The following PRKG1 variants were observed in gnomAD, a reference collection of about 807,000 sequenced individuals.
PRKG1 encodes cGMP-dependent protein kinase 1.
In PRKG1, 35 loss-of-function variants were observed where a neutral mutation model predicts 88.1. The observed-to-expected ratio is 0.40, with a 90% CI of 0.30 to 0.53. The LOEUF (loss-of-function observed/expected upper bound fraction) is 0.53. PRKG1 is among the 20% of genes least tolerant of loss of function. The probability of loss-of-function intolerance (pLI) is 0.59; values close to 1 mark genes in which losing one functional copy is unlikely to be tolerated. For missense variants in PRKG1, 540 were observed against 839.8 expected (o/e 0.64, Z 4.41); for synonymous variants, 303 against 292.5 (o/e 1.04, Z -0.37).
intron 3 of PRKG1, among the ~76,000 whole-genome samples, chr10:51,525,389 T>C (rs190961421): frequency 8.5e-5 from 13 of 152,216 alleles, no homozygotes; most frequent in African/African-American, 3.1e-4. Flanking sequence ...CAAAATAATA[T>C]GGCGTGCATG....
intron 1 of PRKG1, among the ~76,000 whole-genome samples, chr10:51,050,625 G>A (rs920461083): frequency 2.0e-5 from 3 of 152,082 alleles, no homozygotes; most frequent in Admixed American, 6.6e-5. Flanking sequence ...AAACATGAAC[G>A]TGGTGACATC....
intron 2 of PRKG1, among the ~76,000 whole-genome samples, chr10:51,464,239 G>C (rs1839823793): frequency 6.6e-6 from 1 of 151,840 alleles, no homozygotes; most frequent in South Asian, 2.1e-4. Flanking sequence ...CGTGAGCCAA[G>C]ATGACACCAC....
intron 2 of PRKG1, among the ~76,000 whole-genome samples, chr10:51,448,030 A>T (rs915218340): frequency 1.3e-5 from 2 of 151,978 alleles, no homozygotes. Flanking sequence ...AAAAGCATAG[A>T]ATTAGCCTGG....
chr10:51,821,853 G>A (rs1418460810), intron 4 of PRKG1, among the ~76,000 whole-genome samples: 2 of 152,014 alleles, frequency 1.3e-5, no homozygotes, highest in African/African-American at 4.8e-5. Flanking sequence ...CACTGTTGAT[G>A]GGAATGTAAA....
chr10:52,193,831 G>C (rs1839437539), intron 9 of PRKG1, among the ~76,000 whole-genome samples: 1 of 152,094 alleles, frequency 6.6e-6, no homozygotes, highest in Admixed American at 6.6e-5. Context: ...GTTAAAATTG[G>C]TTGCTTTTTT....
At chr10:51,504,826 C>T (rs968793318) in intron 3 of PRKG1, among the ~76,000 whole-genome samples, 17 of 152,066 alleles carry the variant, frequency 1.1e-4, no homozygotes, top group African/African-American at 4.1e-4. Flanking sequence ...GATTTTGTAT[C>T]CTGAGACTTT....
intron 2 of PRKG1, among the ~76,000 whole-genome samples, chr10:51,389,226 C>G (rs897853112): frequency 3.3e-5 from 5 of 152,122 alleles, no homozygotes; most frequent in African/African-American, 9.7e-5. Context: ...ATTTTCATAA[C>G]TTTTACAGCT....
intron 5 of PRKG1, among the ~76,000 whole-genome samples, chr10:52,009,606 G>T (rs868855080): frequency 4.6e-5 from 7 of 152,026 alleles, no homozygotes; most frequent in African/African-American, 1.4e-4. Context: ...CCCAAAGGAA[G>T]TGTACAGATT....
intron 9 of PRKG1, among the ~76,000 whole-genome samples, chr10:52,215,080 A>G (rs1321190150): frequency 6.6e-6 from 1 of 150,576 alleles, no homozygotes. Flanking sequence ...CATTTTGGAG[A>G]GATGTATTAT....
intron 3 of PRKG1, among the ~76,000 whole-genome samples, chr10:51,559,968 T>C (rs1028054211): frequency 2.6e-5 from 4 of 152,142 alleles, no homozygotes; most frequent in Non-Finnish European, 5.9e-5. Flanking sequence ...AAAATGTTAA[T>C]TGAACTATGT....
intron 3 of PRKG1, among the ~76,000 whole-genome samples, chr10:51,516,446 A>C (rs1346220097): frequency 6.6e-6 from 1 of 152,252 alleles, no homozygotes; most frequent in East Asian, 1.9e-4. Flanking sequence ...AAAAATTCAA[A>C]AAGAACAATC....
intron 4 of PRKG1, among the ~76,000 whole-genome samples, chr10:51,890,240 G>T (rs1841684472): frequency 6.6e-6 from 1 of 152,124 alleles, no homozygotes; most frequent in Non-Finnish European, 1.5e-5. Context: ...TTTGTATAAG[G>T]TTAACACACA....
chr10:51,563,349 G>T (rs1201058508), intron 3 of PRKG1, among the ~76,000 whole-genome samples: 1 of 152,052 alleles, frequency 6.6e-6, no homozygotes, highest in Non-Finnish European at 1.5e-5. Flanking sequence ...TATTGAATAT[G>T]CTATTTATCC....
In PRKG1 at chr10:51,091,175, T is replaced by G. The variant is rs61002490; in HGVS notation, c.311+16274T>G. Among the ~76,000 whole-genome samples the G allele has an allele frequency of 4.1e-3, 622 of 152,324 alleles. 2 individuals carry two copies. Among genetic ancestry groups the G allele is most frequent in the African/African-American group, 0.014 (583 of 41,576 alleles). The stretch of plus-strand genomic sequence containing the variant: ...AATAAAAATAAAAATACTAGTTTAT[T>G]TTGAGATGTGTCATGTAATACAAGA... On this transcript the variant is annotated intron_variant, in intron 1 of 17. Transcript: ENST00000373980.
chr10:51,382,310 A>G (rs1211805920), intron 2 of PRKG1, among the ~76,000 whole-genome samples: 5 of 152,222 alleles, frequency 3.3e-5, no homozygotes, highest in African/African-American at 1.2e-4. Flanking sequence ...TTCTCTTTCA[A>G]AGTAGTATCT....
chr10:52,075,104 A>G (rs1846596237), intron 7 of PRKG1, among the ~76,000 whole-genome samples: 1 of 152,238 alleles, frequency 6.6e-6, no homozygotes, highest in Non-Finnish European at 1.5e-5. Flanking sequence ...AATGTCAATA[A>G]ATAATCGTAT....
chr10:51,459,905 CT>C (rs1312414840), intron 2 of PRKG1, among the ~76,000 whole-genome samples: 1 of 152,124 alleles, frequency 6.6e-6, no homozygotes, highest in African/African-American at 2.4e-5. Flanking sequence ...TGATGCTGCC[CT>C]TTTATCTAGG....
chr10:51,507,939 A>T lies in PRKG1; in HGVS notation c.592+40103A>T, dbSNP rs569641788. 7.2e-5 allele frequency among the ~76,000 whole-genome samples: 11 copies of T among 152,124 alleles called. No individual in the cohort carries two copies. The East Asian group carries it at 1.7e-3, about 24-fold the overall frequency. The stretch of plus-strand genomic sequence containing the variant: ...AAAGGTAAACAGTTAAACATGTGTA[A>T]TTTTTTTTAAACTTAAATAACTCCA... On this transcript the variant is annotated intron_variant, in intron 3 of 17. Transcript: ENST00000373980.
chr10:51,481,179 C>G (rs1840344766), intron 3 of PRKG1, among the ~76,000 whole-genome samples: 1 of 149,228 alleles, frequency 6.7e-6, no homozygotes, highest in African/African-American at 2.4e-5. Flanking sequence ...TTCAGTCTCT[C>G]CCTCCTTCCC....
Sources: gnomAD v4.1 joint callset for allele counts (sites outside exome capture counted in the v4.1 genomes callset) on GRCh38, gnomAD v4.1.1 for gene constraint, MANE v1.5 for transcripts, NCBI Gene and HGNC (gene_info 2026-07-23, HGNC 2026-07-21) for gene names.